The following ITGB2 variants were observed in gnomAD, a reference collection of about 807,000 sequenced individuals.
The protein encoded by ITGB2 is integrin beta-2.
Under a neutral mutation model 86.8 loss-of-function variants are expected in ITGB2, and 56 were observed. That is an observed-to-expected ratio of 0.65 (90% confidence interval 0.52 to 0.81). The LOEUF (loss-of-function observed/expected upper bound fraction) is 0.81. Ranked by LOEUF, ITGB2 falls within the 30% of genes least tolerant of loss-of-function variation. ITGB2 has a pLI of 0.00. For synonymous variants in ITGB2, 457 were observed against 450.4 expected (o/e 1.01, Z -0.19); for missense variants, 948 against 1,061.2 (o/e 0.89, Z 1.48).
chr21:44,924,085 A>C (rs1280555491), upstream of ITGB2, among the ~76,000 whole-genome samples: 1 of 152,170 alleles, frequency 6.6e-6, no homozygotes, highest in Non-Finnish European at 1.5e-5. Flanking sequence ...ATATATAAGC[A>C]AACTGACACA....
intron 13 of ITGB2, 183 bp downstream of exon 13, chr21:44,889,093 G>A (rs571495723): frequency 1.3e-5 from 9 of 701,150 alleles, no homozygotes; most frequent in East Asian, 2.7e-5. Flanking sequence ...CGGCAGGTGC[G>A]CACAGGAGGG....
At chr21:44,911,077 A>G in intron 1 of ITGB2, 1 of 522,974 alleles carries the variant, frequency 1.9e-6, no homozygotes, top group Non-Finnish European at 3.5e-6. Context: ...ACACATGCAG[A>G]CGTGTACACA....
chr21:44,889,540 ACCGAGACCCGC>A, intron 12 of ITGB2, 45 bp from the exon 13 acceptor site: 1 of 1,513,384 alleles, frequency 6.6e-7, no homozygotes. Context: ...TGGCCTGGGA[ACCGAGACCCGC>A]CCGAAACCCC....
At chr21:44,900,282 T>C (rs2083931888) in intron 7 of ITGB2, 38 bp downstream of exon 7, 2 of 1,613,022 alleles carry the variant, frequency 1.2e-6, no homozygotes, top group Admixed American at 1.7e-5. Flanking sequence ...AGTGGTGTCC[T>C]GCCAGGCGGT....
rs757436659 is a variant in ITGB2 at position 44,889,988 on chromosome 21, G to A, written c.1647C>T (p.Cys549=). ...INCERYNGQV[C]GGPGRGLCFC... ...GACCCACGGGCTCACCCGGGCCGCC[G>A]CAGACCTGGCCGTTGTAGCGCTCAC... Residue 549 remains cysteine, a synonymous_variant, in exon 12 of 16, where the codon TGC becomes TGT. Transcript: ENST00000652462. 13 of 1,613,164 alleles carry A rather than the reference G, an allele frequency of 8.1e-6. No homozygotes were observed. Among genetic ancestry groups the A allele is most frequent in the Non-Finnish European group, 1.0e-5 (12 of 1,180,022 alleles).
Position 44,888,786 on chromosome 21 carries a change from T to C in ITGB2, c.1987A>G (p.Lys663Glu). Residue 663 changes from lysine (K) to glutamate (E), a missense_variant, in exon 14 of 16, where the codon AAG becomes GAG. By Grantham distance (56) the Lys-to-Glu change is moderately conservative. Coordinates refer to ENST00000652462, the MANE Select transcript of ITGB2 (RefSeq NM_000211.5). ...SNNPVKGRTC[K>E]ERDSEGCWVA... ...CAGCAGCCCTCTGAGTCCCTCTCCT[T>C]GCAGGTCCTGCCCTTCACGGGGTTG... 1 of 1,612,094 alleles carries C rather than the reference T, an allele frequency of 6.2e-7. No individual in the cohort carries two copies. Among genetic ancestry groups the C allele is most frequent in the Non-Finnish European group, 8.5e-7 (1 of 1,179,976 alleles).
chr21:44,888,705 C>A lies in ITGB2; in HGVS notation c.2068G>T (p.Asp690Tyr). The change falls in exon 14 of 16, where the codon GAT becomes TAT. Residue 690 changes from aspartate (D) to tyrosine (Y), a missense_variant. Transcript: ENST00000652462. ...CCAGCGGCCTCACCTCGGCTCTCAT[C>A]CACATAGATGAGGTAGCGGTCCATC... is the stretch of plus-strand genomic sequence containing the variant. ...DGMDRYLIYV[D>Y]ESRECVAGPN... The A allele has an allele frequency of 2.5e-6, 4 of 1,609,242 alleles. No homozygotes were observed. The highest frequency in any genetic ancestry group is 3.4e-6 in the Non-Finnish European group (4 of 1,179,940).
At chr21:44,890,312 G>T in intron 11 of ITGB2, 90 bp from the exon 12 acceptor site, 2 of 1,534,768 alleles carry the variant, frequency 1.3e-6, no homozygotes, top group Admixed American at 1.7e-5. Context: ...CTTGCCCTTG[G>T]TGGAGAACAC....
intron 8 of ITGB2, among the ~76,000 whole-genome samples, chr21:44,895,332 C>A (rs1057238301): frequency 6.6e-6 from 1 of 152,118 alleles, no homozygotes; most frequent in Non-Finnish European, 1.5e-5. Context: ...GAGTTCAGGA[C>A]CAGCCTGGGC....
chr21:44,904,656 C>CCG (rs2084016047), intron 4 of ITGB2, among the ~76,000 whole-genome samples: 1 of 151,660 alleles, frequency 6.6e-6, no homozygotes, highest in African/African-American at 2.4e-5. Flanking sequence ...CATACACACA[C>CCG]CAAACACACA....
In ITGB2 at chr21:44,908,001, G is replaced by T. The variant is rs142440108; in HGVS notation, c.148-906C>A. The T allele has an allele frequency of 9.1e-4, 651 of 714,140 alleles. 3 individuals are homozygous for T. The African/African-American group carries it at 0.011, about 12-fold the overall frequency. 44.2% of individuals were successfully genotyped at this position (714,140 alleles called of 1,614,324 possible). ...AAACAAACAAATCTCACTGAAAGGTGTTTATTTCAGAGGAGCTGAAAACCT... is the reference window on the plus strand; with the variant it reads ...AAACAAACAAATCTCACTGAAAGGTTTTTATTTCAGAGGAGCTGAAAACCT... On this transcript the variant is annotated intron_variant, in intron 3 of 15. Transcript: ENST00000652462.
rs753110953 is a variant in ITGB2, at chr21:44,910,764, G to C, written c.19C>G (p.Pro7Ala). Residue 7 changes from proline (P) to alanine (A), a missense_variant, in exon 2 of 16, where the codon CCA (proline) becomes GCA (alanine). Pro to Ala is a conservative substitution (Grantham distance 27, BLOSUM62 -1). Coordinates refer to ENST00000652462, the MANE Select transcript of ITGB2 (RefSeq NM_000211.5). MLGLRP[P>A]LLALVGLLSL... Reference sequence around the variant, plus strand: ...AGCAGCCCCACCAGGGCGAGCAGTGGGGGGCGCAGGCCCAGCATGTCCTGT... The same window carrying C: ...AGCAGCCCCACCAGGGCGAGCAGTGCGGGGCGCAGGCCCAGCATGTCCTGT... The C allele has an allele frequency of 1.2e-6, 2 of 1,613,864 alleles. No individual in the cohort carries two copies. Among genetic ancestry groups the C allele is most frequent in the Non-Finnish European group, 1.7e-6 (2 of 1,179,928 alleles).
At chr21:44,893,934 A>T in intron 9 of ITGB2, 1 of 332,238 alleles carries the variant, frequency 3.0e-6, no homozygotes, top group Non-Finnish European at 6.0e-6. Flanking sequence ...AGCCAGAGAC[A>T]GAGAGATGGA....
chr21:44,904,601 C>A (rs1233803902), intron 4 of ITGB2, among the ~76,000 whole-genome samples: 1 of 151,146 alleles, frequency 6.6e-6, no homozygotes, highest in Admixed American at 6.6e-5. Context: ...TGTACTTGTT[C>A]ATATACACAA....
intron 10 of ITGB2, 98 bp downstream of exon 10, chr21:44,893,306 G>A: frequency 6.8e-7 from 1 of 1,480,950 alleles, no homozygotes. Flanking sequence ...GCTGTCCCCA[G>A]GACCCCTCAG....
rs1285338728 is a variant in ITGB2, at chr21:44,900,322, A to T, written c.895T>A (p.Phe299Ile). The part of the protein sequence containing the change: ...EDNLYKRSNE[F>I]DYPSVGQLAH... ...GGGTGCCTGGGGTGGGGACTTACGA[A>T]TTCGTTGCTCCTCTTGTACAAGTTG... Residue 299 changes from phenylalanine (F) to isoleucine (I), a missense_variant and splice_region_variant, in exon 7 of 16, where the codon TTC becomes ATC. Coordinates refer to ENST00000652462, the MANE Select transcript of ITGB2 (RefSeq NM_000211.5). 2 of 1,614,102 alleles carry T rather than the reference A, an allele frequency of 1.2e-6. No individual in the cohort carries two copies. Among genetic ancestry groups the T allele is most frequent in the South Asian group, 2.2e-5 (2 of 91,082 alleles).
At chr21:44,888,567 G>C in intron 14 of ITGB2, 126 bp downstream of exon 14, 1 of 1,102,884 alleles carries the variant, frequency 9.1e-7, no homozygotes, top group Non-Finnish European at 1.3e-6. Flanking sequence ...ATCCCGCATG[G>C]CTCATCCACC....
chr21:44,900,528 G>A (rs533183525), intron 6 of ITGB2, 53 bp from the exon 7 acceptor site: 6 of 1,606,054 alleles, frequency 3.7e-6, no homozygotes, highest in Admixed American at 1.7e-5. Flanking sequence ...CCCAGACCCG[G>A]CCCTCTGGAG....
chr21:44,900,097 C>A (rs574239097), intron 7 of ITGB2, among the ~76,000 whole-genome samples: 1 of 152,200 alleles, frequency 6.6e-6, no homozygotes, highest in Non-Finnish European at 1.5e-5. Flanking sequence ...CCCACAAGGG[C>A]GAGGCCGGGC....
Sources: gnomAD v4.1 joint callset for allele counts (sites outside exome capture counted in the v4.1 genomes callset) on GRCh38, gnomAD v4.1.1 for gene constraint, MANE v1.5 for transcripts, NCBI Gene and HGNC (gene_info 2026-07-23, HGNC 2026-07-21) for gene names.